VIT: variants seen among roughly 807,000 people sequenced by gnomAD.
VIT encodes the protein vitrin.
In VIT, 99 loss-of-function variants were observed where a neutral mutation model predicts 78.0. The ratio of observed to expected loss-of-function variants is 1.27; its 90% confidence interval spans 1.08 to 1.50. The LOEUF is 1.50. VIT is among the 40% of genes most tolerant of loss of function. The probability of loss-of-function intolerance (pLI) is 0.00; values close to 1 mark genes in which losing one functional copy is unlikely to be tolerated. For synonymous variants in VIT, 374 were observed against 334.3 expected, an observed-to-expected ratio of 1.12 and a Z score of -1.29; for missense variants, 1,126 against 875.3, an observed-to-expected ratio of 1.29 and a Z score of -3.61.
At chr2:36,737,120 C>T (rs999354000) in intron 3 of VIT, among the ~76,000 whole-genome samples, 1 of 151,968 alleles carries the variant, frequency 6.6e-6, no homozygotes, top group South Asian at 2.1e-4. Flanking sequence ...CAATAGGACT[C>T]CTATTGGTCT....
At chr2:36,810,226 G>C (rs991119649) in intron 15 of VIT, among the ~76,000 whole-genome samples, 2 of 151,732 alleles carry the variant, frequency 1.3e-5, no homozygotes, top group African/African-American at 4.8e-5. Flanking sequence ...CAGAGGTGGA[G>C]TTTGCTGGTG....
At chr2:36,778,792 T>C (rs1670224788) in intron 9 of VIT, among the ~76,000 whole-genome samples, 1 of 152,160 alleles carries the variant, frequency 6.6e-6, no homozygotes, top group African/African-American at 2.4e-5. Flanking sequence ...GTGCAGCCCT[T>C]GGGACATGAA....
rs1216699939 is a variant in VIT at position 36,783,380 on chromosome 2, G to C, written c.888G>C (p.Glu296Asp). 1.2e-6 allele frequency: 2 copies of C among 1,614,164 alleles called. No homozygotes were observed. Among genetic ancestry groups the C allele is most frequent in the Non-Finnish European group, 1.7e-6 (2 of 1,180,022 alleles). The change falls in exon 11 of 16, where the codon GAG (glutamate) becomes GAC (aspartate). Residue 296 changes from glutamate (E) to aspartate (D), a missense_variant. Glu to Asp is a conservative substitution (Grantham distance 45). Coordinates refer to ENST00000379242, the MANE Select transcript of VIT (RefSeq NM_053276.4). ...AAGAATTGAGCACACAGTCTTTGGA[G>C]CCAGTATCCCTGGGAGATCCAAGTA... ...PKEELSTQSLEPVSLGDPNCK... is the reference protein window; with the variant it reads ...PKEELSTQSLDPVSLGDPNCK...
chr2:36,709,115 A>G (rs1665640168), intron 1 of VIT, among the ~76,000 whole-genome samples: 1 of 152,170 alleles, frequency 6.6e-6, no homozygotes, highest in Non-Finnish European at 1.5e-5. Context: ...ACGCCACTGC[A>G]CTCCAGCCTG....
intron 14 of VIT, among the ~76,000 whole-genome samples, chr2:36,806,529 T>C (rs1004069235): frequency 6.6e-6 from 1 of 152,002 alleles, no homozygotes; most frequent in Non-Finnish European, 1.5e-5. Context: ...CCTCCCAGGG[T>C]CACTGCTTCC....
chr2:36,805,330 A>AAATT, intron 13 of VIT, 108 bp from the exon 14 acceptor site: 4 of 817,108 alleles, frequency 4.9e-6, no homozygotes, highest in Non-Finnish European at 7.1e-6. Context: ...AAAAAAAACT[A>AAATT]GGGAGGGAAT....
intron 2 of VIT, among the ~76,000 whole-genome samples, chr2:36,723,516 C>G (rs561263292): frequency 1.3e-4 from 20 of 152,240 alleles, no homozygotes; most frequent in African/African-American, 4.8e-4. Flanking sequence ...CAGGAAAACA[C>G]CCCCTCATTT....
chr2:36,740,907 T>A (rs17019677), intron 3 of VIT, among the ~76,000 whole-genome samples: 1 of 152,328 alleles, frequency 6.6e-6, no homozygotes, highest in African/African-American at 2.4e-5. Flanking sequence ...CTAATACTCA[T>A]GAAATAAGCT....
rs116323638 is a variant in VIT, at chr2:36,783,891, G to T, written c.910+489G>T. 3.3e-3 allele frequency among the ~76,000 whole-genome samples: 505 copies of T among 152,358 alleles called. 2 individuals are homozygous for T. The highest frequency in any genetic ancestry group is 5.3e-3 in the Non-Finnish European group (362 of 68,036). Reference sequence around the variant, plus strand: ...TACTACAATGAGGAACACTGGGGATGAAGCAGGTTTATGTCTATCATTTTC... The same window carrying T: ...TACTACAATGAGGAACACTGGGGATTAAGCAGGTTTATGTCTATCATTTTC... On this transcript the variant is annotated intron_variant, in intron 11 of 15. Coordinates refer to ENST00000379242, the MANE Select transcript of VIT (RefSeq NM_053276.4).
At chr2:36,806,052 C>T (rs1666704797) in intron 14 of VIT, among the ~76,000 whole-genome samples, 1 of 152,106 alleles carries the variant, frequency 6.6e-6, no homozygotes. Context: ...ACACACATTG[C>T]CGATTCATCA....
chr2:36,771,305 G>A (rs1053404958), intron 7 of VIT, among the ~76,000 whole-genome samples: 3 of 152,212 alleles, frequency 2.0e-5, no homozygotes, highest in East Asian at 1.9e-4. Context: ...CAAGGCGGGC[G>A]GATCACGAGG....
At chr2:36,741,941 A>G (rs1667860359) in intron 3 of VIT, among the ~76,000 whole-genome samples, 1 of 152,118 alleles carries the variant, frequency 6.6e-6, no homozygotes, top group African/African-American at 2.4e-5. Flanking sequence ...CAACAATCCT[A>G]CTTGTGAAGA....
At position 36,801,357 on chromosome 2, in the gene VIT, A is replaced by C. The variant is rs1227635033; in HGVS notation, c.1115A>C (p.Lys372Thr). 1 of 1,614,142 alleles carries C rather than the reference A, an allele frequency of 6.2e-7. No individual in the cohort carries two copies. The highest frequency in any genetic ancestry group is 1.1e-5 in the South Asian group (1 of 91,084). ...LKTHTNSRDL[K>T]TAIEKITQRG... ...ACACACACGAATTCTCGAGATCTGA[A>C]GACAGCCATAGAGAAAATTACTCAG... Residue 372 changes from lysine to threonine, a missense_variant, in exon 13 of 16, where the codon AAG (lysine) becomes ACG (threonine). Lys to Thr is a moderately conservative substitution (Grantham distance 78). Coordinates refer to ENST00000379242, the MANE Select transcript of VIT (RefSeq NM_053276.4).
rs1667430456 is a variant in VIT, at chr2:36,814,561, A to G, written c.*200A>G. 2 of 628,708 alleles carry G rather than the reference A, an allele frequency of 3.2e-6. No individual in the cohort carries two copies. Among genetic ancestry groups the G allele is most frequent in the Non-Finnish European group, 5.2e-6 (2 of 382,978 alleles). 38.9% of individuals were successfully genotyped at this position (628,708 alleles called of 1,614,324 possible). On this transcript the variant is annotated 3_prime_UTR_variant, in exon 16 of 16. Coordinates refer to ENST00000379242, the MANE Select transcript of VIT (RefSeq NM_053276.4). ...ACAAAGATGATCACAAACGTATAGA[A>G]TGAGCCAAAAGGCTACATCATGTTG... is the stretch of plus-strand genomic sequence containing the variant.
chr2:36,725,607 G>T (rs979487162), intron 2 of VIT, among the ~76,000 whole-genome samples: 3 of 101,564 alleles, frequency 3.0e-5, no homozygotes, highest in East Asian at 3.6e-4. Flanking sequence ...AGGGGTGGGG[G>T]GGGGGTGGGT....
intron 12 of VIT, among the ~76,000 whole-genome samples, chr2:36,795,054 T>C (rs1247875567): frequency 6.6e-6 from 1 of 152,182 alleles, no homozygotes; most frequent in East Asian, 1.9e-4. Flanking sequence ...TTCCATTTGT[T>C]TATTTCACAA....
intron 9 of VIT, 72 bp downstream of exon 9, chr2:36,775,139 C>T: frequency 6.4e-7 from 1 of 1,557,270 alleles, no homozygotes; most frequent in Middle Eastern, 2.2e-4. Flanking sequence ...ACATGAGGAC[C>T]TCCCCACACA....
At chr2:36,745,254 C>T (rs1412581256) in intron 4 of VIT, among the ~76,000 whole-genome samples, 2 of 152,066 alleles carry the variant, frequency 1.3e-5, no homozygotes, top group African/African-American at 4.8e-5. Context: ...GTGATACCTC[C>T]AGCTTTTTTC....
intron 3 of VIT, among the ~76,000 whole-genome samples, chr2:36,739,153 TTTATG>T (rs150014579): frequency 0.18 from 27,342 of 152,088 alleles, 3,100 homozygotes; most frequent in Non-Finnish European, 0.26. Context: ...AGTGATTTTT[TTTATG>T]TTATAATTCT....
Sources: allele counts gnomAD v4.1 joint callset (sites outside exome capture counted in the v4.1 genomes callset), GRCh38; gene constraint gnomAD v4.1.1; transcripts MANE v1.5; gene names NCBI Gene and HGNC (gene_info 2026-07-23, HGNC 2026-07-21).